Variants in FER observed in about 807,000 individuals in gnomAD.
FER encodes the protein tyrosine-protein kinase Fer.
In FER, 63 loss-of-function variants were observed where a neutral mutation model predicts 111.0. That is an observed-to-expected ratio of 0.57 (90% CI 0.46 to 0.70). FER has a LOEUF of 0.70. Ranked by LOEUF, FER falls within the 30% of genes least tolerant of loss-of-function variation. The pLI is 0.00. For synonymous variants in FER, 327 were observed against 313.9 expected, an observed-to-expected ratio of 1.04 and a Z score of -0.44; for missense variants, 914 against 954.0, an observed-to-expected ratio of 0.96 and a Z score of 0.55.
chr5:108,891,299 C>A (rs1262047413), intron 9 of FER: 1 of 151,812 alleles, frequency 6.6e-6, no homozygotes, highest in Non-Finnish European at 1.5e-5. Context: ...TATTCTAGTT[C>A]TTTATATATT....
intron 13 of FER, among the ~76,000 whole-genome samples, chr5:109,002,418 A>G (rs1457801314): frequency 6.6e-6 from 1 of 151,664 alleles, no homozygotes; most frequent in Non-Finnish European, 1.5e-5. Context: ...CTGGCTAGCC[A>G]TATGTAGAAA....
chr5:108,780,153 T>A (rs1216570306), intron 2 of FER, among the ~76,000 whole-genome samples: 1 of 152,162 alleles, frequency 6.6e-6, no homozygotes, highest in Non-Finnish European at 1.5e-5. Context: ...GAAAAACAAA[T>A]GTTCTTTAAA....
At chr5:108,927,250 C>CTTTTTTTTTTTTTTTTTTTTTTTTTT (rs773963733) in intron 10 of FER, among the ~76,000 whole-genome samples, 1 of 95,374 alleles carries the variant, frequency 1.0e-5, no homozygotes, top group African/African-American at 7.4e-5. Flanking sequence ...TGAGAAGTGG[C>CTTTTTTTTTTTTTTTTTTTTTTTTTT]TCTTTTTTTT....
intron 13 of FER, among the ~76,000 whole-genome samples, chr5:108,975,538 A>G (rs1454256647): frequency 6.6e-6 from 1 of 152,194 alleles, no homozygotes; most frequent in Non-Finnish European, 1.5e-5. Context: ...ATAACATTTC[A>G]TCCTAAAGGG....
intron 3 of FER, among the ~76,000 whole-genome samples, chr5:108,818,456 A>C (rs1758500790): frequency 6.6e-6 from 1 of 152,148 alleles, no homozygotes; most frequent in Non-Finnish European, 1.5e-5. Context: ...AGATAAAAAG[A>C]ATAAATCTTT....
At chr5:109,015,823 C>CT (rs1401613047) in intron 13 of FER, among the ~76,000 whole-genome samples, 17 of 152,028 alleles carry the variant, frequency 1.1e-4, no homozygotes, top group Admixed American at 6.6e-5. Flanking sequence ...CAGAAATTGG[C>CT]TTTTTTCTGT....
At chr5:109,035,120 G>T (rs1436434020) in intron 13 of FER, among the ~76,000 whole-genome samples, 1 of 146,244 alleles carries the variant, frequency 6.8e-6, no homozygotes, top group Non-Finnish European at 1.5e-5. Context: ...TGCAACCTCT[G>T]CTTCCCGGGT....
At chr5:109,118,120 A>C (rs1750492993) in intron 17 of FER, among the ~76,000 whole-genome samples, 1 of 152,116 alleles carries the variant, frequency 6.6e-6, no homozygotes, top group South Asian at 2.1e-4. Context: ...GTTTTTGCCC[A>C]TTCAGTATGA....
Position 109,194,821 on chromosome 5 carries a change from T to C in FER, c.*7246T>C, listed in dbSNP as rs908201363. The stretch of plus-strand genomic sequence containing the variant: ...AATCCAAAGTCATTTTTCATATAGC[T>C]GTTGTCAAATAGTATAACCTTGGTG... On this transcript the variant is annotated 3_prime_UTR_variant, in exon 20 of 20. Coordinates refer to ENST00000281092, the MANE Select transcript of FER (RefSeq NM_005246.4). 3 of 145,176 alleles carry C rather than the reference T, an allele frequency of 2.1e-5. No homozygotes were observed. Among genetic ancestry groups the C allele is most frequent in the African/African-American group, 7.3e-5 (3 of 40,822 alleles). 9.0% of individuals were successfully genotyped at this position (145,176 alleles called of 1,614,324 possible).
At chr5:108,848,309 C>A (rs1762221946) in intron 5 of FER, among the ~76,000 whole-genome samples, 1 of 152,088 alleles carries the variant, frequency 6.6e-6, no homozygotes. Flanking sequence ...GGCATTTAGA[C>A]CAATATTTAA....
intron 2 of FER, among the ~76,000 whole-genome samples, chr5:108,795,576 G>A (rs1004617080): frequency 7.3e-5 from 11 of 151,658 alleles, no homozygotes; most frequent in African/African-American, 2.7e-4. Context: ...TGTTCCCTCT[G>A]ACTATTTTTA....
rs199818942 is a variant in FER at position 109,004,911 on chromosome 5, GT to G, written c.1657-32503del. Among the ~76,000 whole-genome samples, 17 of 138,112 alleles carry G rather than the reference GT, an allele frequency of 1.2e-4. No individual in the cohort carries two copies. The East Asian group carries it at 3.1e-3, about 25-fold the overall frequency. 90.6% of individuals were successfully genotyped at this position (138,112 alleles called of 152,430 possible). ...TACCAAATGGTTCAAATGAAGAGTTGTTTTTTTTATGTTTGTTTTGTTTTGT... is the reference window on the plus strand; with the variant it reads ...TACCAAATGGTTCAAATGAAGAGTTGTTTTTTTATGTTTGTTTTGTTTTGT... On this transcript the variant is annotated intron_variant, in intron 13 of 19. Coordinates refer to ENST00000281092, the MANE Select transcript of FER (RefSeq NM_005246.4).
At chr5:109,113,177 A>T (rs1749831108) in intron 17 of FER, among the ~76,000 whole-genome samples, 1 of 152,172 alleles carries the variant, frequency 6.6e-6, no homozygotes, top group African/African-American at 2.4e-5. Flanking sequence ...AGTTAATAGT[A>T]ACAGGTTAAT....
At chr5:108,824,282 G>A (rs1337888320) in intron 3 of FER, among the ~76,000 whole-genome samples, 1 of 151,862 alleles carries the variant, frequency 6.6e-6, no homozygotes, top group Admixed American at 6.6e-5. Context: ...TCCATAAGAA[G>A]TTTAGGATTT....
chr5:109,179,950 A>G (rs1758116578), intron 17 of FER, among the ~76,000 whole-genome samples: 1 of 152,160 alleles, frequency 6.6e-6, no homozygotes, highest in Non-Finnish European at 1.5e-5. Flanking sequence ...GAACTCTCTG[A>G]AGAGAGAGCG....
intron 17 of FER, among the ~76,000 whole-genome samples, chr5:109,112,802 C>T (rs988171481): frequency 6.6e-6 from 1 of 152,076 alleles, no homozygotes; most frequent in African/African-American, 2.4e-5. Flanking sequence ...AAATGAATGT[C>T]TAATGCAGAA....
intron 19 of FER, 133 bp from the exon 20 acceptor site, chr5:109,187,300 C>T (rs186548280): frequency 5.0e-5 from 44 of 877,038 alleles, no homozygotes; most frequent in African/African-American, 3.5e-4. Flanking sequence ...TCAGCCTCCC[C>T]AGAAATGGAT....
In FER at chr5:108,861,486, G is replaced by A. The variant is rs186786854; in HGVS notation, c.482-6281G>A. Among the ~76,000 whole-genome samples, 335 of 152,178 alleles carry A rather than the reference G, an allele frequency of 2.2e-3. 3 individuals are homozygous for A. The highest frequency in any genetic ancestry group is 7.1e-3 in the African/African-American group (295 of 41,532). The stretch of plus-strand genomic sequence containing the variant: ...AATCTCTTTGTGAATTTTATTATGT[G>A]GAGGAGGAAAAATTGGATGTTTTCC... On this transcript the variant is annotated intron_variant, in intron 5 of 19. Transcript: ENST00000281092.
rs116208270 is a variant in FER at position 108,797,098 on chromosome 5, C to T, written c.-59-1026C>T. On this transcript the variant is annotated intron_variant, in intron 2 of 19. Transcript: ENST00000281092. ...TAAGTCAGCAGGTGATGAAGCCTGC[C>T]GGGACTGGGTCCTCCCTTTCAAGGC... Among the ~76,000 whole-genome samples, 880 of 151,994 alleles carry T rather than the reference C, an allele frequency of 5.8e-3. 13 individuals are homozygous for T. Among genetic ancestry groups the T allele is most frequent in the African/African-American group, 0.02 (843 of 41,434 alleles).
Sources: gnomAD v4.1 joint callset for allele counts (sites outside exome capture counted in the v4.1 genomes callset) on GRCh38, gnomAD v4.1.1 for gene constraint, MANE v1.5 for transcripts, NCBI Gene and HGNC (gene_info 2026-07-23, HGNC 2026-07-21) for gene names.